Variants in DEPTOR observed in about 807,000 individuals in gnomAD.
DEPTOR encodes the protein DEP domain containing MTOR interacting protein, also known as DEP domain-containing mTOR-interacting protein.
DEPTOR carries 41 observed loss-of-function variants against 41.6 expected under a neutral mutation model. The observed-to-expected ratio is 0.98, with a 90% CI of 0.77 to 1.28. The LOEUF (loss-of-function observed/expected upper bound fraction) is 1.28, where lower values mean the gene tolerates loss of function less well. DEPTOR is among the 50% of genes most tolerant of loss of function. The pLI is 0.00. For synonymous variants in DEPTOR, 195 were observed against 192.3 expected (o/e 1.01, Z -0.12); for missense variants, 514 against 527.9 (o/e 0.97, Z 0.26).
At chr8:119,896,691 T>G (rs1586603745) in intron 1 of DEPTOR, among the ~76,000 whole-genome samples, 1 of 151,940 alleles carries the variant, frequency 6.6e-6, no homozygotes, top group African/African-American at 2.4e-5. Context: ...AGAGACGAGG[T>G]TTCATCATGT....
chr8:119,980,465 TTTCTTTTCTTTTC>T (rs1828749502), intron 4 of DEPTOR, among the ~76,000 whole-genome samples: 2 of 67,502 alleles, frequency 3.0e-5, no homozygotes, highest in Non-Finnish European at 6.4e-5. Flanking sequence ...TTTCTTTTCT[TTTCTTTTCTTTTC>T]TTTTCTTTTC....
At chr8:120,004,767 AC>A (rs1812407616) in intron 6 of DEPTOR, among the ~76,000 whole-genome samples, 1 of 151,984 alleles carries the variant, frequency 6.6e-6, no homozygotes, top group Admixed American at 6.6e-5. Flanking sequence ...TCCACTTCTT[AC>A]CCATAGTTTG....
At chr8:119,937,453 G>C (rs144844223) in intron 3 of DEPTOR, among the ~76,000 whole-genome samples, 1 of 152,178 alleles carries the variant, frequency 6.6e-6, no homozygotes, top group African/African-American at 2.4e-5. Flanking sequence ...CAGTTTACTT[G>C]TGCTGCCCTA....
At chr8:120,020,680 T>C (rs1474700612) in intron 8 of DEPTOR, among the ~76,000 whole-genome samples, 2 of 152,192 alleles carry the variant, frequency 1.3e-5, no homozygotes. Flanking sequence ...GTGTCAGACA[T>C]GGGGGGTTTG....
chr8:119,974,431 T>C (rs1269095090), intron 4 of DEPTOR, among the ~76,000 whole-genome samples: 1 of 151,888 alleles, frequency 6.6e-6, no homozygotes, highest in Non-Finnish European at 1.5e-5. Flanking sequence ...TCTGTAAATA[T>C]GGGTGAAAAT....
chr8:120,007,191 A>C (rs1231657186), intron 7 of DEPTOR, among the ~76,000 whole-genome samples: 2 of 152,214 alleles, frequency 1.3e-5, no homozygotes, highest in Non-Finnish European at 2.9e-5. Context: ...CATTTACCTT[A>C]AAATCTAATA....
At chr8:120,012,531 T>TTTTGTA (rs1292475291) in intron 8 of DEPTOR, among the ~76,000 whole-genome samples, 2 of 151,968 alleles carry the variant, frequency 1.3e-5, no homozygotes, top group Non-Finnish European at 2.9e-5. Context: ...CATTCTTTGT[T>TTTTGTA]TTTGTTTTTG....
At chr8:120,042,014 C>T (rs1813080883) in intron 8 of DEPTOR, among the ~76,000 whole-genome samples, 1 of 151,820 alleles carries the variant, frequency 6.6e-6, no homozygotes, top group African/African-American at 2.4e-5. Context: ...GTTATATGAG[C>T]TCATGATTGA....
intron 3 of DEPTOR, among the ~76,000 whole-genome samples, chr8:119,962,656 G>T (rs1828508435): frequency 6.6e-6 from 1 of 152,172 alleles, no homozygotes; most frequent in African/African-American, 2.4e-5. Flanking sequence ...GACATTATCA[G>T]GTTTGAATTT....
intron 3 of DEPTOR, among the ~76,000 whole-genome samples, chr8:119,937,216 A>G (rs1447264971): frequency 6.6e-6 from 1 of 151,680 alleles, no homozygotes; most frequent in African/African-American, 2.4e-5. Context: ...CCTGACCAAT[A>G]TGGTGAAACC....
intron 1 of DEPTOR, chr8:119,874,496 G>C (rs748579111): frequency 1.1e-4 from 18 of 161,574 alleles, no homozygotes; most frequent in Non-Finnish European, 2.1e-4. Flanking sequence ...TGTAAAACAG[G>C]GCTGATTCAA....
At chr8:119,911,568 T>C (rs1405722469) in intron 1 of DEPTOR, among the ~76,000 whole-genome samples, 3 of 152,108 alleles carry the variant, frequency 2.0e-5, no homozygotes, top group Non-Finnish European at 4.4e-5. Context: ...TCCACCCACC[T>C]CAGCCTCCCA....
intron 3 of DEPTOR, among the ~76,000 whole-genome samples, chr8:119,936,750 G>A (rs995134464): frequency 4.1e-4 from 63 of 152,170 alleles, no homozygotes; most frequent in African/African-American, 1.4e-3. Context: ...AAGGCCAAGC[G>A]TAGTGGCCCA....
intron 8 of DEPTOR, among the ~76,000 whole-genome samples, chr8:120,011,159 G>A (rs561375104): frequency 6.9e-4 from 105 of 152,242 alleles, no homozygotes; most frequent in African/African-American, 2.5e-3. Flanking sequence ...AAAATAAGTG[G>A]GCAACAGAAA....
intron 8 of DEPTOR, among the ~76,000 whole-genome samples, chr8:120,047,376 T>C (rs1813167645): frequency 6.6e-6 from 1 of 151,986 alleles, no homozygotes; most frequent in Non-Finnish European, 1.5e-5. Context: ...TTTTTTACTT[T>C]TATTTTTTGA....
intron 8 of DEPTOR, among the ~76,000 whole-genome samples, chr8:120,036,186 T>C (rs1224872947): frequency 6.6e-6 from 1 of 152,186 alleles, no homozygotes; most frequent in East Asian, 1.9e-4. Context: ...CTTTGATTGA[T>C]TGGGGCTGAA....
intron 4 of DEPTOR, among the ~76,000 whole-genome samples, chr8:119,989,916 T>C (rs1205336616): frequency 6.6e-6 from 1 of 152,214 alleles, no homozygotes; most frequent in Non-Finnish European, 1.5e-5. Flanking sequence ...TTAATTATTT[T>C]GCCAATAATT....
intron 3 of DEPTOR, among the ~76,000 whole-genome samples, chr8:119,957,063 A>G (rs913964069): frequency 6.6e-6 from 1 of 151,900 alleles, no homozygotes; most frequent in African/African-American, 2.4e-5. Flanking sequence ...TGTGTCATCC[A>G]GGCTGGAGTG....
chr8:119,896,047 T>G (rs958008344), intron 1 of DEPTOR, among the ~76,000 whole-genome samples: 6 of 142,148 alleles, frequency 4.2e-5, no homozygotes, highest in South Asian at 2.2e-4. Flanking sequence ...GGGAGTAGGT[T>G]GTAAATTTTG....
Sources: gnomAD v4.1 joint callset for allele counts (sites outside exome capture counted in the v4.1 genomes callset) on GRCh38, gnomAD v4.1.1 for gene constraint, MANE v1.5 for transcripts, NCBI Gene and HGNC (gene_info 2026-07-23, HGNC 2026-07-21) for gene names.